The following RBFOX3 variants were observed in gnomAD, a reference collection of about 807,000 sequenced individuals.
RBFOX3 encodes the protein RNA binding fox-1 homolog 3.
Under a neutral mutation model 48.7 loss-of-function variants are expected in RBFOX3, and 17 were observed. The observed-to-expected ratio is 0.35, with a 90% confidence interval of 0.24 to 0.52. The LOEUF (loss-of-function observed/expected upper bound fraction) is 0.52, where lower values mean the gene tolerates loss of function less well. Ranked by LOEUF, RBFOX3 falls within the 20% of genes least tolerant of loss-of-function variation. The pLI is 0.94. For synonymous variants in RBFOX3, 212 were observed against 209.5 expected (o/e 1.01, Z -0.10); for missense variants, 382 against 497.5 (o/e 0.77, Z 2.21).
intron 4 of RBFOX3, among the ~76,000 whole-genome samples, chr17:79,148,716 G>C (rs962774577): frequency 6.6e-6 from 1 of 152,238 alleles, no homozygotes; most frequent in Non-Finnish European, 1.5e-5. Context: ...AGAGTTGGGC[G>C]ACTCTATCCC....
At chr17:79,651,467 G>A in the RBFOX3 span, among the ~76,000 whole-genome samples, 10 of 152,056 alleles carry the variant, frequency 6.6e-5, no homozygotes, top group South Asian at 2.1e-4. Flanking sequence ...CCCCCGGGCC[G>A]TCCCCTCCCA....
At chr17:79,201,690 TCGGAGGTGG>T (rs1306583646) in intron 4 of RBFOX3, among the ~76,000 whole-genome samples, 5 of 152,162 alleles carry the variant, frequency 3.3e-5, no homozygotes, top group Admixed American at 3.3e-4. Flanking sequence ...CTCTTGCCCC[TCGGAGGTGG>T]CGGAGGTGGC....
chr17:79,433,521 G>A (rs964495445), intron 2 of RBFOX3, among the ~76,000 whole-genome samples: 3 of 152,168 alleles, frequency 2.0e-5, no homozygotes, highest in Non-Finnish European at 2.9e-5. Context: ...CACAGGCTCC[G>A]AATGTACTTA....
At chr17:79,138,524 C>T (rs1237672204) in intron 4 of RBFOX3, among the ~76,000 whole-genome samples, 2 of 152,086 alleles carry the variant, frequency 1.3e-5, no homozygotes, top group African/African-American at 2.4e-5. Context: ...CATCCACACG[C>T]ATATACACTG....
chr17:79,219,346 AG>A (rs1180019655), intron 4 of RBFOX3, among the ~76,000 whole-genome samples: 1 of 152,234 alleles, frequency 6.6e-6, no homozygotes, highest in East Asian at 1.9e-4. Flanking sequence ...GCAAGCCTAG[AG>A]GCTGATGATC....
intron 2 of RBFOX3, among the ~76,000 whole-genome samples, chr17:79,466,568 G>A (rs2076342339): frequency 6.6e-6 from 1 of 152,160 alleles, no homozygotes; most frequent in South Asian, 2.1e-4. Flanking sequence ...CCAATAACAT[G>A]CCACAGTGAC....
rs1264166997 is a variant in RBFOX3, at chr17:79,392,825, T to A, written c.-174-85001A>T. Among the ~76,000 whole-genome samples, 1 of 152,236 alleles carries A rather than the reference T, an allele frequency of 6.6e-6. No individual in the cohort carries two copies. Among genetic ancestry groups the A allele is most frequent in the Non-Finnish European group, 1.5e-5 (1 of 68,040 alleles). ...ATGTGGGGTTGTTTGTTACTGAGCATAACCTGCTGCTGCTGACTGAGACAC... is the reference window on the plus strand; with the variant it reads ...ATGTGGGGTTGTTTGTTACTGAGCAAAACCTGCTGCTGCTGACTGAGACAC... On this transcript the variant is annotated intron_variant, in intron 2 of 14. Coordinates refer to ENST00000693108, the MANE Select transcript of RBFOX3 (RefSeq NM_001350451.2). This position sits in a 1 kb window ranked among gnomAD's most constrained non-coding sequence, Gnocchi z 5.0.
At chr17:79,135,731 T>C (rs1340470593) in intron 4 of RBFOX3, among the ~76,000 whole-genome samples, 2 of 152,026 alleles carry the variant, frequency 1.3e-5, no homozygotes, top group Non-Finnish European at 2.9e-5. Context: ...GTCCCTAAAA[T>C]CCACAAGCGG....
At position 79,252,143 on chromosome 17, in the gene RBFOX3, C is replaced by A. The variant is rs949516605; in HGVS notation, c.-73-16338G>T. 1.3e-5 allele frequency among the ~76,000 whole-genome samples: 2 copies of A among 152,224 alleles called. No individual in the cohort carries two copies. The highest frequency in any genetic ancestry group is 2.9e-5 in the Non-Finnish European group (2 of 68,042). On this transcript the variant is annotated intron_variant, in intron 3 of 14. Transcript: ENST00000693108. The surrounding 1 kb of genome is among the most constrained non-coding windows in gnomAD (Gnocchi z 4.0). ...CCCATGGCTCTGGCCCTTCCTCCTG[C>A]CTTTGCCTAGTGGGTAACTGGGCAT... is the stretch of plus-strand genomic sequence containing the variant.
chr17:79,318,493 G>A (rs561592497), intron 2 of RBFOX3, among the ~76,000 whole-genome samples: 1 of 152,292 alleles, frequency 6.6e-6, no homozygotes, highest in East Asian at 1.9e-4. Flanking sequence ...CCATAGTGGT[G>A]AGGGTTTCAT....
intron 4 of RBFOX3, chr17:79,183,204 G>T (rs2052546132): frequency 6.7e-6 from 1 of 149,114 alleles, no homozygotes; most frequent in African/African-American, 2.4e-5. Flanking sequence ...GGGCGTGGGC[G>T]GCAGCGCGGG....
At position 79,418,033 on chromosome 17, in the gene RBFOX3, GGA is replaced by G. The variant is rs1555720056; in HGVS notation, c.-175+64419_-175+64420del. On this transcript the variant is annotated intron_variant, in intron 2 of 14. Coordinates refer to ENST00000693108, the MANE Select transcript of RBFOX3 (RefSeq NM_001350451.2). The surrounding 1 kb of genome is among the most constrained non-coding windows in gnomAD (Gnocchi z 5.0). ...GAGTCATCAGATTCAGAGACAGAAAGGAGAATGGAGATGCCAGGGGCTGGGGA... is the reference window on the plus strand; with the variant it reads ...GAGTCATCAGATTCAGAGACAGAAAGGAATGGAGATGCCAGGGGCTGGGGA... 1.3e-5 allele frequency among the ~76,000 whole-genome samples: 2 copies of G among 152,216 alleles called. No homozygotes were observed. Among genetic ancestry groups the G allele is most frequent in the African/African-American group, 4.8e-5 (2 of 41,454 alleles).
chr17:79,091,683 G>A (rs531642595), intron 14 of RBFOX3, among the ~76,000 whole-genome samples: 1 of 152,302 alleles, frequency 6.6e-6, no homozygotes, highest in Non-Finnish European at 1.5e-5. Flanking sequence ...GCCTGCTGAG[G>A]ACCCCTCCTT....
chr17:79,267,472 C>G (rs927688369), intron 3 of RBFOX3, among the ~76,000 whole-genome samples: 4 of 152,048 alleles, frequency 2.6e-5, no homozygotes, highest in African/African-American at 9.7e-5. Context: ...CTTACTGCAA[C>G]CTCCACCTCC....
At chr17:79,464,095 T>C (rs904674039) in intron 2 of RBFOX3, among the ~76,000 whole-genome samples, 5 of 152,350 alleles carry the variant, frequency 3.3e-5, no homozygotes, top group Admixed American at 6.5e-5. Context: ...GATGGGGAAC[T>C]TGACTGCTGC....
chr17:79,115,856 C>G, intron 4 of RBFOX3, 108 bp from the exon 5 acceptor site: 1 of 544,756 alleles, frequency 1.8e-6, no homozygotes, highest in Non-Finnish European at 3.2e-6. Flanking sequence ...GTATTTTCAG[C>G]AGCCTTTCCC....
intron 2 of RBFOX3, among the ~76,000 whole-genome samples, chr17:79,424,542 T>C (rs1347020247): frequency 6.6e-6 from 1 of 152,274 alleles, no homozygotes; most frequent in East Asian, 1.9e-4. Context: ...GAGTCACCAC[T>C]GGCCTGGGGC....
chr17:79,455,643 CCA>C (rs2074346818), intron 2 of RBFOX3, among the ~76,000 whole-genome samples: 1 of 152,096 alleles, frequency 6.6e-6, no homozygotes, highest in African/African-American at 2.4e-5. Context: ...AGGAACCTAT[CCA>C]CACACACATT....
At chr17:79,653,764 G>GT in the RBFOX3 span, among the ~76,000 whole-genome samples, 112,337 of 146,870 alleles carry the variant, frequency 0.76, 43,612 homozygotes, top group Non-Finnish European at 0.83. Context: ...GCATGTCGTG[G>GT]TTTTTTTTTT....
Sources: gnomAD v4.1 joint callset for allele counts (sites outside exome capture counted in the v4.1 genomes callset) on GRCh38, gnomAD v4.1.1 for gene constraint, Gnocchi (gnomAD v3.1) non-coding constraint, MANE v1.5 for transcripts, NCBI Gene and HGNC (gene_info 2026-07-23, HGNC 2026-07-21) for gene names.